TAB2: variants seen among roughly 807,000 people sequenced by gnomAD.
TAB2 encodes the protein TGF-beta-activated kinase 1 and MAP3K7-binding protein 2.
Under a neutral mutation model 65.0 loss-of-function variants are expected in TAB2, and 3 were observed. The ratio of observed to expected loss-of-function variants is 0.05; its 90% CI spans 0.02 to 0.12. The LOEUF (loss-of-function observed/expected upper bound fraction) is 0.12, where lower values mean the gene tolerates loss of function less well. Ranked by LOEUF, TAB2 falls within the 10% of genes least tolerant of loss-of-function variation. The pLI is 1.00. For missense variants in TAB2, 623 were observed against 840.3 expected, an observed-to-expected ratio of 0.74 and a Z score of 3.20; for synonymous variants, 298 against 285.1, an observed-to-expected ratio of 1.05 and a Z score of -0.46.
In TAB2 at chr6:149,364,886, A is replaced by G. The variant is rs112204424; in HGVS notation, c.-89-5023A>G. Among the ~76,000 whole-genome samples, 5 of 152,018 alleles carry G rather than the reference A, an allele frequency of 3.3e-5. 1 individual carries two copies. Among genetic ancestry groups the G allele is most frequent in the African/African-American group, 1.2e-4 (5 of 41,466 alleles). ...GCACTGAATATGAAGCATAACTTGC[A>G]GTCTGAGTGAGCCATTAACCAGTGC... On this transcript the variant is annotated intron_variant, in intron 1 of 6. Coordinates refer to ENST00000637181, the MANE Select transcript of TAB2 (RefSeq NM_001292034.3).
intron 6 of TAB2, among the ~76,000 whole-genome samples, chr6:149,402,210 AAGG>A (rs1324157312): frequency 2.0e-5 from 3 of 152,168 alleles, no homozygotes; most frequent in Admixed American, 1.3e-4. Context: ...TTGAGAAAAA[AAGG>A]AGACAAAATC....
chr6:149,248,478 AAGAAAG>A (rs374739222), intron 1 of TAB2, among the ~76,000 whole-genome samples: 32 of 148,192 alleles, frequency 2.2e-4, no homozygotes, highest in African/African-American at 8.1e-4. Context: ...GAAAGAAAGA[AAGAAAG>A]AGAGAGAGAG....
chr6:149,316,637 T>C (rs536385732), upstream of TAB2, among the ~76,000 whole-genome samples: 6 of 151,830 alleles, frequency 4.0e-5, no homozygotes, highest in South Asian at 6.3e-4. Flanking sequence ...GCTTTTTTTT[T>C]CCCTAGGGGG....
intron 1 of TAB2, among the ~76,000 whole-genome samples, chr6:149,284,797 C>T (rs1198526813): frequency 6.6e-6 from 1 of 152,154 alleles, no homozygotes; most frequent in Non-Finnish European, 1.5e-5. Context: ...CCTAAATTAA[C>T]ATCTAAAGAA....
chr6:149,223,932 ATAACT>A (rs1033655955), intron 1 of TAB2, among the ~76,000 whole-genome samples: 1 of 152,204 alleles, frequency 6.6e-6, no homozygotes, highest in Non-Finnish European at 1.5e-5. Flanking sequence ...ACTGTCATAA[ATAACT>A]TTACTTAAGT....
intron 3 of TAB2, among the ~76,000 whole-genome samples, 176 bp downstream of exon 3, chr6:149,379,694 A>G (rs1380891213): frequency 6.6e-6 from 1 of 152,004 alleles, no homozygotes; most frequent in East Asian, 1.9e-4. Flanking sequence ...TTTTAATTTT[A>G]TTTTATTATT....
rs1386650440 is a variant in TAB2 at position 149,378,850 on chromosome 6, A to G, written c.935A>G (p.Tyr312Cys). 2 of 1,614,196 alleles carry G rather than the reference A, an allele frequency of 1.2e-6. No homozygotes were observed. Among genetic ancestry groups the G allele is most frequent in the South Asian group, 2.2e-5 (2 of 91,088 alleles). ...TCACAGTCTTCTGCCCATAGCCAAT[A>G]TAACATTCAGAATATTTCAACAGGA... is the stretch of plus-strand genomic sequence containing the variant. ...GSSQSSAHSQYNIQNISTGPR... is the reference protein window; with the variant it reads ...GSSQSSAHSQCNIQNISTGPR... The change falls in exon 3 of 7, where the codon TAT becomes TGT. Residue 312 changes from tyrosine to cysteine, a missense_variant. Physicochemically the swap from Tyr to Cys is radical, Grantham distance 194 (BLOSUM62 -2). Around this residue, in one of 3 missense-constraint regions of TAB2, gnomAD observed 550 missense variants for 665.7 expected, o/e 0.83. Coordinates refer to ENST00000637181, the MANE Select transcript of TAB2 (RefSeq NM_001292034.3).
intron 1 of TAB2, among the ~76,000 whole-genome samples, chr6:149,329,939 C>G (rs1483452667): frequency 2.6e-5 from 4 of 152,108 alleles, no homozygotes; most frequent in Admixed American, 2.6e-4. Context: ...GTTATAAAAA[C>G]TGTTTCATCA....
chr6:149,398,640 T>C (rs940690617), intron 5 of TAB2, among the ~76,000 whole-genome samples: 2 of 152,194 alleles, frequency 1.3e-5, no homozygotes, highest in African/African-American at 2.4e-5. Context: ...AAGTTGGTGC[T>C]GTTCTAGAAA....
chr6:149,409,921 A>G lies in TAB2; in HGVS notation c.*202A>G, dbSNP rs1323947479. On this transcript the variant is annotated 3_prime_UTR_variant, in exon 7 of 7. Coordinates refer to ENST00000637181, the MANE Select transcript of TAB2 (RefSeq NM_001292034.3). ...ATGAGCAGTTGAAATTCATCACATG[A>G]AAAGTAATCTGCTGAAAGACTTGGT... 2 of 636,406 alleles carry G rather than the reference A, an allele frequency of 3.1e-6. No individual in the cohort carries two copies. Among genetic ancestry groups the G allele is most frequent in the East Asian group, 2.8e-5 (1 of 35,684 alleles). 39.4% of individuals were successfully genotyped at this position (636,406 alleles called of 1,614,324 possible). A position where few individuals can be genotyped will look rare whatever the true frequency, so the allele number is the denominator to read the frequency against.
intron 1 of TAB2, among the ~76,000 whole-genome samples, chr6:149,258,442 C>T (rs1280470430): frequency 6.9e-6 from 1 of 145,204 alleles, no homozygotes; most frequent in South Asian, 2.2e-4. Flanking sequence ...CACACACACA[C>T]ACACACACAC....
intron 4 of TAB2, 23 bp from the exon 5 acceptor site, chr6:149,397,946 A>G (rs760139900): frequency 1.1e-5 from 17 of 1,607,764 alleles, no homozygotes; most frequent in Admixed American, 1.7e-5. Context: ...TGCAAATCTT[A>G]CTTACATAGA....
intron 4 of TAB2, 51 bp downstream of exon 4, chr6:149,397,815 C>T (rs1250364305): frequency 6.2e-7 from 1 of 1,600,758 alleles, no homozygotes; most frequent in Non-Finnish European, 8.5e-7. Flanking sequence ...GAGAGTAGGC[C>T]ATCTAACATA....
intron 3 of TAB2, among the ~76,000 whole-genome samples, chr6:149,387,004 A>G (rs956177134): frequency 6.6e-6 from 1 of 152,182 alleles, no homozygotes; most frequent in African/African-American, 2.4e-5. Context: ...TGTATATTCT[A>G]GAAATAAGTC....
rs1562422793 is a variant in TAB2, at chr6:149,339,609, T to TTTA, written c.-90+21596_-90+21597insATT. Among the ~76,000 whole-genome samples the TTTA allele has an allele frequency of 7.3e-3, 948 of 129,792 alleles. 13 individuals are homozygous for TTTA. The highest frequency in any genetic ancestry group is 0.026 in the African/African-American group (910 of 34,944). The allele number at this position is 129,792 out of a possible 152,430, so 85.1% of individuals were successfully genotyped here. ...TTTTTATTTATTTATTTATTTATTT[T>TTTA]TTTTTTTTTTTGAGACGGAGTCTCT... On this transcript the variant is annotated intron_variant, in intron 1 of 6. Transcript: ENST00000637181.
At chr6:149,305,412 T>A (rs1181179311) in intron 1 of TAB2, among the ~76,000 whole-genome samples, 3 of 152,190 alleles carry the variant, frequency 2.0e-5, no homozygotes, top group Non-Finnish European at 4.4e-5. Flanking sequence ...TGAATACGTT[T>A]CCTTTTTCAA....
chr6:149,351,184 A>G (rs968764871), intron 1 of TAB2, among the ~76,000 whole-genome samples: 1 of 152,188 alleles, frequency 6.6e-6, no homozygotes, highest in Non-Finnish European at 1.5e-5. Flanking sequence ...CCACTTTTCT[A>G]GCACTTTGCA....
chr6:149,403,279 TATATACACACACACAC>T (rs1782526236), intron 6 of TAB2, among the ~76,000 whole-genome samples: 2 of 40,050 alleles, frequency 5.0e-5, no homozygotes, highest in African/African-American at 1.4e-4. Flanking sequence ...TATATATATA[TATATACACACACACAC>T]ATATATATAT....
At position 149,411,036 on chromosome 6, in the gene TAB2, G is replaced by C. The variant is rs1391319342; in HGVS notation, c.*1317G>C. On this transcript the variant is annotated 3_prime_UTR_variant, in exon 7 of 7. Coordinates refer to ENST00000637181, the MANE Select transcript of TAB2 (RefSeq NM_001292034.3). ...GCTGGAAAAAAAAACAAGCAAACTT[G>C]AACACTGAAGCAACCTCAAGCATCT... is the stretch of plus-strand genomic sequence containing the variant. 1.3e-5 allele frequency: 2 copies of C among 152,472 alleles called. No individual in the cohort carries two copies. The highest frequency in any genetic ancestry group is 2.9e-5 in the Non-Finnish European group (2 of 68,018). The allele number at this position is 152,472 out of a possible 1,614,324, so 9.4% of individuals were successfully genotyped here. A position where few individuals can be genotyped will look rare whatever the true frequency, so the allele number is the denominator to read the frequency against.
Sources: allele counts gnomAD v4.1 joint callset (sites outside exome capture counted in the v4.1 genomes callset), GRCh38; gene constraint gnomAD v4.1.1; regional missense constraint gnomAD v4.1.1; transcripts MANE v1.5; gene names NCBI Gene and HGNC (gene_info 2026-07-23, HGNC 2026-07-21).